FAM184A: variants seen among roughly 807,000 people sequenced by gnomAD.
FAM184A encodes the protein family with sequence similarity 184 member A, also known as protein FAM184A.
In FAM184A, 99 loss-of-function variants were observed where a neutral mutation model predicts 143.8. The ratio of observed to expected loss-of-function variants is 0.69; its 90% CI spans 0.58 to 0.81. The LOEUF (loss-of-function observed/expected upper bound fraction) is 0.81. FAM184A is among the 40% of genes least tolerant of loss of function. FAM184A has a pLI of 0.00. For synonymous variants in FAM184A, 427 were observed against 446.4 expected, an observed-to-expected ratio of 0.96 and a Z score of 0.55; for missense variants, 1,217 against 1,310.5, an observed-to-expected ratio of 0.93 and a Z score of 1.10.
intron 11 of FAM184A, among the ~76,000 whole-genome samples, 168 bp from the exon 12 acceptor site, chr6:118,976,212 TA>T (rs1783842747): frequency 6.6e-6 from 1 of 152,234 alleles, no homozygotes; most frequent in South Asian, 2.1e-4. Flanking sequence ...CAGACTACAA[TA>T]TACTATCATG....
At chr6:119,039,197 C>T (rs1016586816) in intron 1 of FAM184A, among the ~76,000 whole-genome samples, 2 of 152,166 alleles carry the variant, frequency 1.3e-5, no homozygotes, top group African/African-American at 2.4e-5. Context: ...TCATTTATTG[C>T]TTGTGAGAAT....
intron 1 of FAM184A, among the ~76,000 whole-genome samples, chr6:119,070,779 G>C (rs1439013599): frequency 6.6e-6 from 1 of 152,020 alleles, no homozygotes; most frequent in Non-Finnish European, 1.5e-5. Flanking sequence ...TTTACATTCT[G>C]AAGTGGGCTG....
intron 1 of FAM184A, among the ~76,000 whole-genome samples, chr6:119,026,625 C>T (rs1785644785): frequency 6.6e-6 from 1 of 152,100 alleles, no homozygotes; most frequent in Non-Finnish European, 1.5e-5. Flanking sequence ...CTTTTCTGCA[C>T]TCTATACTTC....
chr6:119,116,553 A>T (rs1335333494), intron 1 of FAM184A, among the ~76,000 whole-genome samples: 1 of 152,212 alleles, frequency 6.6e-6, no homozygotes. Context: ...CAGACATAAA[A>T]AATAGACTCA....
chr6:119,070,844 A>G (rs76596409), intron 1 of FAM184A, among the ~76,000 whole-genome samples: 2,132 of 152,150 alleles, frequency 0.014, 23 homozygotes, highest in South Asian at 0.026. Flanking sequence ...AACTCCCGTC[A>G]TTCACATCCT....
intron 9 of FAM184A, among the ~76,000 whole-genome samples, chr6:118,991,980 G>A (rs1391684530): frequency 6.6e-6 from 1 of 151,532 alleles, no homozygotes; most frequent in Non-Finnish European, 1.5e-5. Context: ...TAGCCAGGAT[G>A]GTCTCGATCT....
At position 119,109,127 on chromosome 6, in the gene FAM184A, T is replaced by TTCTCCCC. The variant is rs66724653; in HGVS notation, c.-202+39950_-202+39951insGGGGAGA. ...CTTTCCCAACTATTCTTGGTCTTAT[T>TTCTCCCC]GTTTTCTCAATTTCTGTAGCACTTG... On this transcript the variant is annotated intron_variant, in intron 1 of 16. Coordinates refer to the FAM184A transcript ENST00000352896. Among the ~76,000 whole-genome samples the TTCTCCCC allele has an allele frequency of 1.8e-4, 4 of 21,968 alleles. No homozygotes were observed. In the Admixed American group the frequency reaches 2.8e-3, roughly 15 times the overall value. 14.4% of individuals were successfully genotyped at this position (21,968 alleles called of 152,430 possible). A position where few individuals can be genotyped will look rare whatever the true frequency, so the allele number is the denominator to read the frequency against.
chr6:119,030,566 C>T (rs1333522354), intron 1 of FAM184A, among the ~76,000 whole-genome samples: 2 of 151,814 alleles, frequency 1.3e-5, no homozygotes. Context: ...CTTAGCAGCA[C>T]CATTGATATA....
At chr6:119,117,049 T>C (rs1272983112) in intron 1 of FAM184A, among the ~76,000 whole-genome samples, 1 of 152,196 alleles carries the variant, frequency 6.6e-6, no homozygotes, top group African/African-American at 2.4e-5. Flanking sequence ...CTCAGGAGAA[T>C]TGGTGAGTGA....
At chr6:119,145,734 C>T (rs1384493931) in intron 1 of FAM184A, among the ~76,000 whole-genome samples, 1 of 152,118 alleles carries the variant, frequency 6.6e-6, no homozygotes, top group Non-Finnish European at 1.5e-5. Flanking sequence ...ACCAGTGACC[C>T]AATTCAAAAG....
Position 118,993,429 on chromosome 6 carries a change from AT to A in FAM184A, c.2088+9469del, listed in dbSNP as rs1469773860. Among the ~76,000 whole-genome samples, 97 of 152,362 alleles carry A rather than the reference AT, an allele frequency of 6.4e-4. 2 individuals carry two copies. Among genetic ancestry groups the A allele is most frequent in the Admixed American group, 5.6e-3 (85 of 15,306 alleles). Reference sequence around the variant, plus strand: ...AATTGTTCTAAACCTCAGTTTAATCATTTAGAAAATAGGACAAGGTTTTACA... The same window carrying A: ...AATTGTTCTAAACCTCAGTTTAATCATTAGAAAATAGGACAAGGTTTTACA... On this transcript the variant is annotated intron_variant, in intron 9 of 17. Coordinates refer to ENST00000338891, the MANE Select transcript of FAM184A (RefSeq NM_024581.6).
chr6:119,024,145 G>C lies in FAM184A; in HGVS notation c.828C>G (p.Ser276Arg). 1 of 1,614,114 alleles carries C rather than the reference G, an allele frequency of 6.2e-7. No individual in the cohort carries two copies. Among genetic ancestry groups the C allele is most frequent in the Non-Finnish European group, 8.5e-7 (1 of 1,180,010 alleles). Residue 276 changes from serine to arginine, a missense_variant, in exon 2 of 18, where the codon AGC becomes AGG. Ser to Arg is a moderately radical substitution (Grantham distance 110). Coordinates refer to ENST00000338891, the MANE Select transcript of FAM184A (RefSeq NM_024581.6). ...LKRSQLFTAE[S>R]LQASKEKEAD... ...CTTCCTTTTCTTTGCTGGCCTGTAG[G>C]CTTTCTGCTGTAAAAAGCTGTGACC... is the stretch of plus-strand genomic sequence containing the variant.
At chr6:119,036,450 G>A (rs1196356703) in intron 1 of FAM184A, among the ~76,000 whole-genome samples, 5 of 151,806 alleles carry the variant, frequency 3.3e-5, no homozygotes, top group South Asian at 2.1e-4. Flanking sequence ...ATATTTCCTC[G>A]CTGTATGATT....
At chr6:119,068,107 C>T (rs1245354678) in intron 1 of FAM184A, among the ~76,000 whole-genome samples, 2 of 145,444 alleles carry the variant, frequency 1.4e-5, no homozygotes, top group Non-Finnish European at 3.0e-5. Context: ...AGTGCAGTGG[C>T]GCAATCTCAG....
intron 1 of FAM184A, among the ~76,000 whole-genome samples, chr6:119,094,578 A>G (rs1204692329): frequency 6.6e-6 from 1 of 152,182 alleles, no homozygotes; most frequent in East Asian, 1.9e-4. Context: ...TGGTGAGTAA[A>G]CCTGTTCCAG....
intron 5 of FAM184A, among the ~76,000 whole-genome samples, chr6:119,016,343 C>T (rs1785253068): frequency 6.6e-6 from 1 of 152,154 alleles, no homozygotes; most frequent in Admixed American, 6.5e-5. Flanking sequence ...ATAAATCTTG[C>T]TACTGCTCAC....
At chr6:118,994,074 G>T (rs1261617939) in intron 9 of FAM184A, among the ~76,000 whole-genome samples, 2 of 152,128 alleles carry the variant, frequency 1.3e-5, no homozygotes, top group Non-Finnish European at 2.9e-5. Flanking sequence ...TTCTGGCCAG[G>T]TCTCAGGTAA....
At chr6:118,997,265 C>T (rs1159099544) in intron 9 of FAM184A, among the ~76,000 whole-genome samples, 1 of 142,762 alleles carries the variant, frequency 7.0e-6, no homozygotes, top group East Asian at 2.1e-4. Context: ...CCAGAGGTTG[C>T]AGTGAGCCAA....
At chr6:119,007,324 A>C (rs2114649967) in intron 6 of FAM184A, among the ~76,000 whole-genome samples, 1 of 152,328 alleles carries the variant, frequency 6.6e-6, no homozygotes, top group Non-Finnish European at 1.5e-5. Flanking sequence ...TGAAATTGGT[A>C]ATTTAAAAAT....
Sources: allele counts gnomAD v4.1 joint callset (sites outside exome capture counted in the v4.1 genomes callset), GRCh38; gene constraint gnomAD v4.1.1; transcripts MANE v1.5; gene names NCBI Gene and HGNC (gene_info 2026-07-23, HGNC 2026-07-21).